The following MTCL2 variants were observed in gnomAD, a reference collection of about 807,000 sequenced individuals.
MTCL2 encodes microtubule crosslinking factor 2.
At chr20:36,831,408 G>A in the MTCL2 span, among the ~76,000 whole-genome samples, 4 of 152,146 alleles carry the variant, frequency 2.6e-5, no homozygotes, top group Non-Finnish European at 4.4e-5. Context: ...CCCAGGTTTC[G>A]CCAGCAGGAA....
chr20:36,792,921 G>C, the MTCL2 span, among the ~76,000 whole-genome samples: 8 of 150,608 alleles, frequency 5.3e-5, no homozygotes, highest in Non-Finnish European at 5.9e-5. Flanking sequence ...TTTTTTTTTG[G>C]TGAGACGGAG....
chr20:36,858,798 A>AT, the MTCL2 span, among the ~76,000 whole-genome samples: 15 of 150,482 alleles, frequency 1.0e-4, no homozygotes, highest in South Asian at 4.2e-4. Flanking sequence ...ACCTTTACTT[A>AT]TTTTTTTTTG....
the MTCL2 span, among the ~76,000 whole-genome samples, chr20:36,857,966 C>T: frequency 6.6e-6 from 1 of 152,122 alleles, no homozygotes; most frequent in African/African-American, 2.4e-5. Flanking sequence ...CACACACATG[C>T]ACACACAAAC....
chr20:36,830,419 T>A, the MTCL2 span, among the ~76,000 whole-genome samples: 1 of 152,046 alleles, frequency 6.6e-6, no homozygotes, highest in Non-Finnish European at 1.5e-5. Flanking sequence ...CCCAAAAAAG[T>A]TAGCTTGGCA....
the MTCL2 span, among the ~76,000 whole-genome samples, chr20:36,811,543 T>A: frequency 6.6e-6 from 1 of 151,752 alleles, no homozygotes; most frequent in African/African-American, 2.4e-5. Context: ...GGCTCGAGAT[T>A]CGCTTGAACT....
the MTCL2 span, among the ~76,000 whole-genome samples, chr20:36,811,801 T>C: frequency 6.6e-6 from 1 of 152,156 alleles, no homozygotes; most frequent in Non-Finnish European, 1.5e-5. Flanking sequence ...GGGCTGACCT[T>C]CCTGGGACTA....
At chr20:36,808,789 C>T in the MTCL2 span, 4 of 1,501,966 alleles carry the variant, frequency 2.7e-6, no homozygotes, top group African/African-American at 1.4e-5. Flanking sequence ...CCTGTCCTCT[C>T]CCCCACCCCT....
the MTCL2 span, among the ~76,000 whole-genome samples, chr20:36,807,499 T>C: frequency 6.6e-6 from 1 of 152,158 alleles, no homozygotes; most frequent in Admixed American, 6.5e-5. Flanking sequence ...AGGTCTGACA[T>C]CCTTGTAAGT....
the MTCL2 span, among the ~76,000 whole-genome samples, chr20:36,840,567 A>C: frequency 6.7e-6 from 1 of 150,370 alleles, no homozygotes; most frequent in African/African-American, 2.4e-5. Flanking sequence ...AACATGGATG[A>C]GGTTGGGCAC....
At chr20:36,833,070 G>A in the MTCL2 span, among the ~76,000 whole-genome samples, 4 of 152,180 alleles carry the variant, frequency 2.6e-5, no homozygotes, top group Admixed American at 6.5e-5. Context: ...GGCTCAGAAA[G>A]GAAAGGTCAC....
the MTCL2 span, chr20:36,784,458 G>T: frequency 1.0e-6 from 1 of 985,610 alleles, no homozygotes; most frequent in Non-Finnish European, 1.2e-6. Context: ...GTGCAGGGGC[G>T]CCTCCAGAGT....
chr20:36,838,041 T>C, the MTCL2 span, among the ~76,000 whole-genome samples: 1 of 151,526 alleles, frequency 6.6e-6, no homozygotes, highest in Non-Finnish European at 1.5e-5. Flanking sequence ...AGGCCTTCAC[T>C]ACTTCTCTTT....
At chr20:36,841,025 C>A in the MTCL2 span, among the ~76,000 whole-genome samples, 1 of 151,656 alleles carries the variant, frequency 6.6e-6, no homozygotes, top group Non-Finnish European at 1.5e-5. Flanking sequence ...ACAAAAGACA[C>A]CTGGCTGGGC....
At chr20:36,797,611 A>G in the MTCL2 span, 1 of 1,541,058 alleles carries the variant, frequency 6.5e-7, no homozygotes, top group Non-Finnish European at 8.8e-7. Context: ...GTAATGGGCA[A>G]AGCTGGTATG....
At chr20:36,794,912 G>A in the MTCL2 span, among the ~76,000 whole-genome samples, 1 of 151,662 alleles carries the variant, frequency 6.6e-6, no homozygotes, top group African/African-American at 2.4e-5. The surrounding 1 kb of genome is among the most constrained non-coding windows in gnomAD (Gnocchi z 5.4). Context: ...GGGACTACAG[G>A]TGTGCACCAC....
chr20:36,779,747 G>C, the MTCL2 span: 21 of 152,466 alleles, frequency 1.4e-4, 1 homozygote, highest in African/African-American at 5.1e-4. Context: ...AGGAAGCAGG[G>C]GGACAAGAAG....
chr20:36,793,533 G>A, the MTCL2 span: 7 of 1,551,660 alleles, frequency 4.5e-6, no homozygotes, highest in Middle Eastern at 1.7e-4. This position sits in a 1 kb window ranked among gnomAD's most constrained non-coding sequence, Gnocchi z 6.8. Flanking sequence ...GGCTTGGCCC[G>A]CGTCTCAGAC....
At chr20:36,802,895 C>T in the MTCL2 span, 2 of 1,575,248 alleles carry the variant, frequency 1.3e-6, no homozygotes, top group Non-Finnish European at 8.6e-7. Context: ...CCTGCTGCTC[C>T]ACCTGCTGCT....
the MTCL2 span, chr20:36,777,641 G>A: frequency 2.0e-6 from 1 of 489,294 alleles, no homozygotes; most frequent in Non-Finnish European, 3.7e-6. Flanking sequence ...AGAGAATAGT[G>A]GACAAGAGAG....
Sources: gnomAD v4.1 joint callset for allele counts (sites outside exome capture counted in the v4.1 genomes callset) on GRCh38, gnomAD v4.1.1 for gene constraint, Gnocchi (gnomAD v3.1) non-coding constraint, MANE v1.5 for transcripts, NCBI Gene and HGNC (gene_info 2026-07-23, HGNC 2026-07-21) for gene names.